Variants in NPAS3 observed in about 807,000 individuals in gnomAD.
NPAS3 encodes neuronal PAS domain-containing protein 3.
Under a neutral mutation model 73.1 loss-of-function variants are expected in NPAS3, and 14 were observed. The ratio of observed to expected loss-of-function variants is 0.19; its 90% CI spans 0.13 to 0.30. The LOEUF (loss-of-function observed/expected upper bound fraction) is 0.30. Ranked by LOEUF, NPAS3 falls within the 10% of genes least tolerant of loss-of-function variation. The probability of loss-of-function intolerance (pLI) is 1.00; values close to 1 mark genes in which losing one functional copy is unlikely to be tolerated. For missense variants in NPAS3, 1,096 were observed against 1,250.0 expected (o/e 0.88, Z 1.86); for synonymous variants, 620 against 541.5 (o/e 1.14, Z -2.01).
chr14:33,733,804 A>G (rs1388219472), intron 6 of NPAS3, among the ~76,000 whole-genome samples: 90 of 152,198 alleles, frequency 5.9e-4, no homozygotes, highest in Non-Finnish European at 1.8e-4. Flanking sequence ...TAAGAGAGAC[A>G]CATAAGAAAG....
chr14:33,339,839 T>C (rs994940245), intron 3 of NPAS3, among the ~76,000 whole-genome samples: 6 of 152,206 alleles, frequency 3.9e-5, no homozygotes, highest in Non-Finnish European at 7.3e-5. Context: ...TTTAAGAAAA[T>C]CTAATGTCTA....
At chr14:33,674,983 G>T (rs781035282) in intron 5 of NPAS3, among the ~76,000 whole-genome samples, 42 of 152,126 alleles carry the variant, frequency 2.8e-4, no homozygotes, top group Non-Finnish European at 5.7e-4. Context: ...ATGAAAGGGT[G>T]CAGGCACGCA....
intron 2 of NPAS3, among the ~76,000 whole-genome samples, chr14:33,140,978 G>A (rs948714066): frequency 8.5e-5 from 13 of 152,106 alleles, no homozygotes; most frequent in African/African-American, 1.9e-4. Flanking sequence ...TTTGCTTTTG[G>A]ACAAACAATG....
At chr14:32,984,582 G>GT (rs1354887337) in intron 1 of NPAS3, among the ~76,000 whole-genome samples, 1 of 152,064 alleles carries the variant, frequency 6.6e-6, no homozygotes, top group African/African-American at 2.4e-5. Context: ...TTTTAAAGCA[G>GT]TTTTTTCTTT....
At chr14:32,970,308 A>G (rs2037365570) in intron 1 of NPAS3, among the ~76,000 whole-genome samples, 1 of 152,112 alleles carries the variant, frequency 6.6e-6, no homozygotes, top group Admixed American at 6.6e-5. Context: ...AGTTGCTTTC[A>G]TTACCCTCAA....
intron 4 of NPAS3, among the ~76,000 whole-genome samples, chr14:33,503,058 A>T (rs2052594488): frequency 6.6e-6 from 1 of 151,992 alleles, no homozygotes; most frequent in Non-Finnish European, 1.5e-5. Context: ...GGCATGTATT[A>T]AGTTCTCTCG....
At chr14:33,789,619 C>A (rs967634987) in intron 9 of NPAS3, among the ~76,000 whole-genome samples, 2 of 98,388 alleles carry the variant, frequency 2.0e-5, no homozygotes, top group Non-Finnish European at 3.7e-5. Context: ...GACGGAGTCT[C>A]GCTCTGTCGC....
chr14:33,770,299 G>A (rs2062610561), intron 7 of NPAS3, among the ~76,000 whole-genome samples: 1 of 152,186 alleles, frequency 6.6e-6, no homozygotes, highest in African/African-American at 2.4e-5. Flanking sequence ...ATGCTGGACT[G>A]TAACCCAATC....
intron 4 of NPAS3, among the ~76,000 whole-genome samples, chr14:33,479,018 G>T (rs889553629): frequency 6.6e-6 from 1 of 152,124 alleles, no homozygotes; most frequent in Non-Finnish European, 1.5e-5. Context: ...TTTCCTAATT[G>T]TTGTCAATTC....
chr14:33,354,863 A>G (rs2045259935), intron 3 of NPAS3, among the ~76,000 whole-genome samples: 1 of 152,132 alleles, frequency 6.6e-6, no homozygotes, highest in Non-Finnish European at 1.5e-5. Context: ...TACTAGGGTC[A>G]ACTCATCGTC....
At chr14:33,578,316 C>G (rs1437193959) in intron 5 of NPAS3, 4 of 438,514 alleles carry the variant, frequency 9.1e-6, no homozygotes, top group Non-Finnish European at 1.8e-5. Context: ...GCCTCAGCCT[C>G]CTGAGTAGCT....
intron 5 of NPAS3, among the ~76,000 whole-genome samples, chr14:33,610,527 T>C (rs1346521247): frequency 6.6e-6 from 1 of 152,218 alleles, no homozygotes; most frequent in African/African-American, 2.4e-5. Context: ...AAAATCTCTT[T>C]ATGATCTTGT....
At chr14:33,672,160 C>T (rs2053088437) in intron 5 of NPAS3, among the ~76,000 whole-genome samples, 1 of 152,154 alleles carries the variant, frequency 6.6e-6, no homozygotes, top group South Asian at 2.1e-4. Context: ...TTATGAAAGA[C>T]AGACACTATT....
At chr14:33,392,308 T>C (rs1219014524) in intron 4 of NPAS3, among the ~76,000 whole-genome samples, 1 of 152,176 alleles carries the variant, frequency 6.6e-6, no homozygotes, top group Non-Finnish European at 1.5e-5. Flanking sequence ...TATCACATGC[T>C]TTACAACTGA....
intron 3 of NPAS3, among the ~76,000 whole-genome samples, chr14:33,365,415 A>T (rs555686551): frequency 1.3e-5 from 2 of 152,150 alleles, no homozygotes; most frequent in African/African-American, 4.8e-5. Flanking sequence ...TACACACAGT[A>T]GTACTGTCTT....
intron 4 of NPAS3, among the ~76,000 whole-genome samples, chr14:33,519,943 T>C (rs769276933): frequency 1.5e-4 from 23 of 152,022 alleles, no homozygotes; most frequent in South Asian, 4.2e-4. Context: ...CCTACCTTGG[T>C]GTGTCCAGAC....
At chr14:33,380,154 C>T (rs557432334) in intron 4 of NPAS3, among the ~76,000 whole-genome samples, 30 of 152,222 alleles carry the variant, frequency 2.0e-4, no homozygotes, top group Non-Finnish European at 3.5e-4. Flanking sequence ...TGACTCTTGT[C>T]TCTTGAAAAC....
chr14:33,604,008 C>T (rs143982924), intron 5 of NPAS3, among the ~76,000 whole-genome samples: 3 of 148,986 alleles, frequency 2.0e-5, no homozygotes, highest in East Asian at 3.9e-4. Flanking sequence ...AGCCCTAAAA[C>T]AACTAAAAAA....
At chr14:33,487,905 CTT>C (rs2051691464) in intron 4 of NPAS3, among the ~76,000 whole-genome samples, 1 of 152,126 alleles carries the variant, frequency 6.6e-6, no homozygotes, top group African/African-American at 2.4e-5. Context: ...TTCTGATACA[CTT>C]ATATCTGTCT....
Sources: gnomAD v4.1 joint callset for allele counts (sites outside exome capture counted in the v4.1 genomes callset) on GRCh38, gnomAD v4.1.1 for gene constraint, MANE v1.5 for transcripts, NCBI Gene and HGNC (gene_info 2026-07-23, HGNC 2026-07-21) for gene names.